Variants in PPP1R26 observed in about 807,000 individuals in gnomAD.
PPP1R26 encodes 1A6/DRIM (down-regulated in metastasis) interacting protein.
A neutral mutation model predicts 67.6 loss-of-function variants in PPP1R26; 22 were observed. The observed-to-expected ratio is 0.33, with a 90% CI of 0.23 to 0.46. The LOEUF (loss-of-function observed/expected upper bound fraction) is 0.46. PPP1R26 is among the 20% of genes least tolerant of loss of function. PPP1R26 has a pLI of 1.00. For synonymous variants in PPP1R26, 729 were observed against 717.2 expected (o/e 1.02, Z -0.26); for missense variants, 1,602 against 1,651.4 (o/e 0.97, Z 0.52).
Position 135,485,423 on chromosome 9 carries a change from C to A in PPP1R26, c.913C>A (p.Leu305Ile). 1 of 1,612,880 alleles carries A rather than the reference C, an allele frequency of 6.2e-7. No homozygotes were observed. Among genetic ancestry groups the A allele is most frequent in the East Asian group, 2.2e-5 (1 of 44,876 alleles). Residue 305 changes from leucine (L) to isoleucine (I), a missense_variant, in exon 4 of 4, where the codon CTC becomes ATC. Physicochemically the swap from Leu to Ile is conservative, Grantham distance 5. Coordinates refer to ENST00000356818, the MANE Select transcript of PPP1R26 (RefSeq NM_014811.5). The surrounding 1 kb of genome is among the most constrained non-coding windows in gnomAD (Gnocchi z 7.2). ...GAAGATGAACGTCCAGCCCAGAAGC[C>A]TCAGGTCCAAGGTCACAACCACGCA... ...LAKMNVQPRS[L>I]RSKVTTTQEN...
Position 135,487,279 on chromosome 9 carries a change from C to T in PPP1R26, c.2769C>T (p.Gly923=), listed in dbSNP as rs767573787. Residue 923 remains glycine (G), a synonymous_variant, in exon 4 of 4, where the codon GGC becomes GGT. Transcript: ENST00000356818. ...AQGTAGLFSQ[G]GKGLPAAPAR... is the part of the protein sequence containing the mutation. ...GCACAGCTGGTCTGTTCAGCCAGGG[C>T]GGGAAGGGGCTCCCTGCTGCTCCTG... 10 of 1,556,082 alleles carry T rather than the reference C, an allele frequency of 6.4e-6. No homozygotes were observed. The highest frequency in any genetic ancestry group is 1.8e-4 in the Middle Eastern group (1 of 5,698).
At position 135,487,292 on chromosome 9, in the gene PPP1R26, C is replaced by A. The variant is rs758447904; in HGVS notation, c.2782C>A (p.Pro928Thr). Residue 928 changes from proline (P) to threonine (T), a missense_variant, in exon 4 of 4, where the codon CCT (proline) becomes ACT (threonine). Around this residue, in one of 5 missense-constraint regions of PPP1R26, gnomAD observed 740 missense variants for 696.3 expected, o/e 1.06. Coordinates refer to ENST00000356818, the MANE Select transcript of PPP1R26 (RefSeq NM_014811.5). ...GTTCAGCCAGGGCGGGAAGGGGCTC[C>A]CTGCTGCTCCTGCCCGAGGGGATCC... ...GLFSQGGKGL[P>T]AAPARGDPVP... is the part of the protein sequence containing the mutation. 7 of 1,554,070 alleles carry A rather than the reference C, an allele frequency of 4.5e-6. No homozygotes were observed. In the South Asian group the frequency reaches 7.4e-5, roughly 16 times the overall value.
rs1454877795 is a variant in PPP1R26, at chr9:135,487,012, C to T, written c.2502C>T (p.Asn834=). ...LSDDSSSVDS[N]DSIELEIRKF... is the part of the protein sequence containing the mutation. Reference sequence around the variant, plus strand: ...ATGACAGCAGTTCAGTGGACAGCAACGACAGCATCGAACTGGAGATTAGGA... The same window carrying T: ...ATGACAGCAGTTCAGTGGACAGCAATGACAGCATCGAACTGGAGATTAGGA... Residue 834 remains asparagine (N), a synonymous_variant, in exon 4 of 4, where the codon AAC becomes AAT. Coordinates refer to ENST00000356818, the MANE Select transcript of PPP1R26 (RefSeq NM_014811.5). The T allele has an allele frequency of 1.1e-5, 17 of 1,611,724 alleles. No homozygotes were observed. In the Admixed American group the frequency reaches 1.3e-4, roughly 13 times the overall value.
chr9:135,488,036 G>A lies in PPP1R26; in HGVS notation c.3526G>A (p.Val1176Ile), dbSNP rs371561109. The A allele has an allele frequency of 6.5e-5, 104 of 1,609,752 alleles. 1 individual carries two copies. The highest frequency in any genetic ancestry group is 5.4e-4 in the South Asian group (49 of 90,502). Residue 1176 changes from valine to isoleucine, a missense_variant, in exon 4 of 4, where the codon GTC (valine) becomes ATC (isoleucine). Physicochemically the swap from Val to Ile is conservative, Grantham distance 29 (BLOSUM62 3). Around this residue, in one of 5 missense-constraint regions of PPP1R26, gnomAD observed 740 missense variants for 696.3 expected, o/e 1.06. Coordinates refer to ENST00000356818, the MANE Select transcript of PPP1R26 (RefSeq NM_014811.5). ...SILDLRYRRR[V>I]NRDDQEQDAL... ...TTTAGACCTGAGGTATCGACGAAGG[G>A]TCAACAGGGATGACCAGGAGCAGGA... is the stretch of plus-strand genomic sequence containing the variant.
At position 135,484,738 on chromosome 9, in the gene PPP1R26, G is replaced by A. The variant is rs377730970; in HGVS notation, c.228G>A (p.Glu76=). The part of the protein sequence containing the change: ...ERAAQRGHRA[E]GCHDARPAAK... Reference sequence around the variant, plus strand: ...CCGCACAGAGGGGCCACAGGGCAGAGGGATGCCACGACGCCAGGCCGGCTG... The same window carrying A: ...CCGCACAGAGGGGCCACAGGGCAGAAGGATGCCACGACGCCAGGCCGGCTG... Residue 76 remains glutamate (E), a synonymous_variant, in exon 4 of 4, where the codon GAG becomes GAA. Transcript: ENST00000356818. The A allele has an allele frequency of 3.7e-6, 6 of 1,610,134 alleles. No individual in the cohort carries two copies. The highest frequency in any genetic ancestry group is 4.2e-6 in the Non-Finnish European group (5 of 1,178,892).
At position 135,487,365 on chromosome 9, in the gene PPP1R26, C is replaced by T. The variant is rs1317855908; in HGVS notation, c.2855C>T (p.Ser952Leu). 2 of 1,559,208 alleles carry T rather than the reference C, an allele frequency of 1.3e-6. No homozygotes were observed. Among genetic ancestry groups the T allele is most frequent in the South Asian group, 2.4e-5 (2 of 83,144 alleles). The change falls in exon 4 of 4, where the codon TCA becomes TTA. Residue 952 changes from serine (S) to leucine (L), a missense_variant. Coordinates refer to ENST00000356818, the MANE Select transcript of PPP1R26 (RefSeq NM_014811.5). ...TSGGVSAKGL[S>L]VSRRNVYVHK... ...GGCGGTGTCTCCGCCAAGGGGCTCTCAGTGAGCAGGAGAAATGTTTACGTT... is the reference window on the plus strand; with the variant it reads ...GGCGGTGTCTCCGCCAAGGGGCTCTTAGTGAGCAGGAGAAATGTTTACGTT...
Position 135,487,347 on chromosome 9 carries a change from T to C in PPP1R26, c.2837T>C (p.Val946Ala). ...CCGCCCAGGAGCACCAGCGGCGGTG[T>C]CTCCGCCAAGGGGCTCTCAGTGAGC... ...PVPPRSTSGG[V>A]SAKGLSVSRR... is the part of the protein sequence containing the mutation. Residue 946 changes from valine (V) to alanine (A), a missense_variant, in exon 4 of 4, where the codon GTC (valine) becomes GCC (alanine). This residue lies in a region of PPP1R26 where 740 missense variants were observed against 696.3 expected (regional missense o/e 1.06). Transcript: ENST00000356818. 1.9e-6 allele frequency: 3 copies of C among 1,553,584 alleles called. No homozygotes were observed. The highest frequency in any genetic ancestry group is 2.6e-6 in the Non-Finnish European group (3 of 1,152,154).
At position 135,486,893 on chromosome 9, in the gene PPP1R26, C is replaced by T. The variant is rs780381325; in HGVS notation, c.2383C>T (p.Arg795Trp). ...AASQDAALAF[R>W]VRRPASASAS... ...GAGCCAGGACGCGGCCCTGGCCTTC[C>T]GGGTGAGGAGACCCGCCTCCGCCTC... The change falls in exon 4 of 4, where the codon CGG becomes TGG. Residue 795 changes from arginine (R) to tryptophan (W), a missense_variant. Physicochemically the swap from Arg to Trp is moderately radical, Grantham distance 101. This residue lies in a region of PPP1R26 where 740 missense variants were observed against 696.3 expected (regional missense o/e 1.06). Coordinates refer to ENST00000356818, the MANE Select transcript of PPP1R26 (RefSeq NM_014811.5). The surrounding 1 kb of genome is among the most constrained non-coding windows in gnomAD (Gnocchi z 6.2). 4.3e-6 allele frequency: 7 copies of T among 1,612,510 alleles called. No homozygotes were observed. The highest frequency in any genetic ancestry group is 1.7e-5 in the Admixed American group (1 of 59,996).
chr9:135,480,564 C>T (rs1830479495), intron 1 of PPP1R26: 1 of 152,372 alleles, frequency 6.6e-6, no homozygotes, highest in Admixed American at 6.5e-5. Context: ...GTGAGCGCGC[C>T]CTCGGGGAGG....
At chr9:135,481,968 CTGTTCACTGGG>C (rs1830535042) in intron 1 of PPP1R26, among the ~76,000 whole-genome samples, 1 of 152,186 alleles carries the variant, frequency 6.6e-6, no homozygotes. Context: ...ACTTAGAAAA[CTGTTCACTGGG>C]TGTCCAGGCC....
rs1830772701 is a variant in PPP1R26, at chr9:135,487,176, G to T, written c.2666G>T (p.Cys889Phe). The T allele has an allele frequency of 1.9e-6, 3 of 1,608,556 alleles. No individual in the cohort carries two copies. The East Asian group carries it at 6.7e-5, about 36-fold the overall frequency. Residue 889 changes from cysteine to phenylalanine, a missense_variant, in exon 4 of 4, where the codon TGC becomes TTC. This residue lies in a region of PPP1R26 where 740 missense variants were observed against 696.3 expected (regional missense o/e 1.06). Transcript: ENST00000356818. ...RKEPAPPPGVCTRSQRARGVP... is the reference protein window; with the variant it reads ...RKEPAPPPGVFTRSQRARGVP... ...GAGCCTGCCCCACCGCCTGGCGTGT[G>T]CACACGCAGCCAGAGGGCCAGGGGG... is the stretch of plus-strand genomic sequence containing the variant.
chr9:135,485,397 C>T lies in PPP1R26; in HGVS notation c.887C>T (p.Ala296Val), dbSNP rs530929090. 130 of 1,612,876 alleles carry T rather than the reference C, an allele frequency of 8.1e-5. No homozygotes were observed. The South Asian group carries it at 1.3e-3, about 16-fold the overall frequency. ...GCCTTCCGCAAACCTCCCCGGTTAGCGAAGATGAACGTCCAGCCCAGAAGC... is the reference window on the plus strand; with the variant it reads ...GCCTTCCGCAAACCTCCCCGGTTAGTGAAGATGAACGTCCAGCCCAGAAGC... ...EFAFRKPPRL[A>V]KMNVQPRSLR... The change falls in exon 4 of 4, where the codon GCG (alanine) becomes GTG (valine). Residue 296 changes from alanine (A) to valine (V), a missense_variant. Physicochemically the swap from Ala to Val is moderately conservative, Grantham distance 64. Coordinates refer to ENST00000356818, the MANE Select transcript of PPP1R26 (RefSeq NM_014811.5). The surrounding 1 kb of genome is among the most constrained non-coding windows in gnomAD (Gnocchi z 7.2).
Position 135,487,237 on chromosome 9 carries a change from G to A in PPP1R26, c.2727G>A (p.Glu909=), listed in dbSNP as rs140376950. Residue 909 remains glutamate, a synonymous_variant, in exon 4 of 4, where the codon GAG becomes GAA. Transcript: ENST00000356818. ...PHLAEGLRGT[E]SAGAQGTAGL... is the part of the protein sequence containing the mutation. Reference sequence around the variant, plus strand: ...TGGCCGAAGGGCTTCGAGGCACAGAGAGCGCAGGAGCACAGGGCACAGCTG... The same window carrying A: ...TGGCCGAAGGGCTTCGAGGCACAGAAAGCGCAGGAGCACAGGGCACAGCTG... 51 of 1,579,876 alleles carry A rather than the reference G, an allele frequency of 3.2e-5. 1 individual carries two copies. In the South Asian group the frequency reaches 5.6e-4, roughly 17 times the overall value.
Position 135,485,560 on chromosome 9 carries a change from C to G in PPP1R26, c.1050C>G (p.Val350=). The G allele has an allele frequency of 6.2e-7, 1 of 1,613,282 alleles. No individual in the cohort carries two copies. Among genetic ancestry groups the G allele is most frequent in the Non-Finnish European group, 8.5e-7 (1 of 1,180,030 alleles). The change falls in exon 4 of 4, where the codon GTC becomes GTG. Residue 350 remains valine, a synonymous_variant. Coordinates refer to ENST00000356818, the MANE Select transcript of PPP1R26 (RefSeq NM_014811.5). This position sits in a 1 kb window ranked among gnomAD's most constrained non-coding sequence, Gnocchi z 7.2. ...SASAARRGKR[V]MSAAQASEAS... is the part of the protein sequence containing the mutation. ...GCGCTGCAAGGAGGGGAAAGCGAGT[C>G]ATGAGTGCGGCACAGGCGTCCGAGG... is the stretch of plus-strand genomic sequence containing the variant.
In PPP1R26 at chr9:135,485,592, A is replaced by G; in HGVS notation, c.1082A>G (p.Asp361Gly). 1 of 1,612,906 alleles carries G rather than the reference A, an allele frequency of 6.2e-7. No individual in the cohort carries two copies. The highest frequency in any genetic ancestry group is 8.5e-7 in the Non-Finnish European group (1 of 1,179,946). ...MSAAQASEAS[D>G]SSSDDGIEEA... is the part of the protein sequence containing the mutation. ...GCGGCACAGGCGTCCGAGGCGTCCG[A>G]CTCCAGCAGCGACGATGGCATTGAG... is the stretch of plus-strand genomic sequence containing the variant. Residue 361 changes from aspartate to glycine, a missense_variant, in exon 4 of 4, where the codon GAC (aspartate) becomes GGC (glycine). Transcript: ENST00000356818. This position sits in a 1 kb window ranked among gnomAD's most constrained non-coding sequence, Gnocchi z 7.2.
Position 135,485,742 on chromosome 9 carries a change from C to T in PPP1R26, c.1232C>T (p.Thr411Ile), listed in dbSNP as rs926890341. The change falls in exon 4 of 4, where the codon ACA becomes ATA. Residue 411 changes from threonine to isoleucine, a missense_variant. Physicochemically the swap from Thr to Ile is moderately conservative, Grantham distance 89. Transcript: ENST00000356818. This position sits in a 1 kb window ranked among gnomAD's most constrained non-coding sequence, Gnocchi z 7.2. ...CCCGCACACAGCACAAGCAGTGCCA[C>T]AAAAAGTGCCTTGCCCGAGACCCAC... ...DPPAHSTSSA[T>I]KSALPETHRK... 20 of 1,610,564 alleles carry T rather than the reference C, an allele frequency of 1.2e-5. No individual in the cohort carries two copies. Among genetic ancestry groups the T allele is most frequent in the Non-Finnish European group, 1.7e-5 (20 of 1,179,998 alleles).
rs143121134 is a variant in PPP1R26, at chr9:135,487,414, G to A, written c.2904G>A (p.Gly968=). The change falls in exon 4 of 4, where the codon GGG becomes GGA. Residue 968 remains glycine (G), a synonymous_variant. Transcript: ENST00000356818. ...TTCACAAAGACCAGAGCCCACGAGGGGCTGAGCCTGCTGCCAAAAGTGCTT... is the reference window on the plus strand; with the variant it reads ...TTCACAAAGACCAGAGCCCACGAGGAGCTGAGCCTGCTGCCAAAAGTGCTT... ...VYVHKDQSPR[G]AEPAAKSAFG... The A allele has an allele frequency of 4.0e-3, 6,330 of 1,600,274 alleles. 16 individuals are homozygous for A. Among genetic ancestry groups the A allele is most frequent in the Non-Finnish European group, 4.7e-3 (5,574 of 1,174,740 alleles).
rs1280972886 is a variant in PPP1R26, at chr9:135,485,713, C to A, written c.1203C>A (p.Asp401Glu). The change falls in exon 4 of 4, where the codon GAC (aspartate) becomes GAA (glutamate). Residue 401 changes from aspartate (D) to glutamate (E), a missense_variant. Physicochemically the swap from Asp to Glu is conservative, Grantham distance 45. This residue lies in a region of PPP1R26 where 680 missense variants were observed against 726.1 expected (regional missense o/e 0.94). Coordinates refer to ENST00000356818, the MANE Select transcript of PPP1R26 (RefSeq NM_014811.5). The surrounding 1 kb of genome is among the most constrained non-coding windows in gnomAD (Gnocchi z 7.2). ...RVQLREERAP[D>E]PPAHSTSSAT... is the part of the protein sequence containing the mutation. ...AACTCCGAGAGGAGAGAGCGCCTGA[C>A]CCTCCCGCACACAGCACAAGCAGTG... is the stretch of plus-strand genomic sequence containing the variant. 2 of 1,610,272 alleles carry A rather than the reference C, an allele frequency of 1.2e-6. No homozygotes were observed. The highest frequency in any genetic ancestry group is 1.7e-6 in the Non-Finnish European group (2 of 1,179,984).
At position 135,488,255 on chromosome 9, in the gene PPP1R26, T is replaced by A; in HGVS notation, c.*115T>A. 7.6e-7 allele frequency: 1 copy of A among 1,323,476 alleles called. No individual in the cohort carries two copies. Among genetic ancestry groups the A allele is most frequent in the Non-Finnish European group, 9.7e-7 (1 of 1,028,444 alleles). 82.0% of individuals were successfully genotyped at this position (1,323,476 alleles called of 1,614,324 possible). A position where few individuals can be genotyped will look rare whatever the true frequency, so the allele number is the denominator to read the frequency against. ...AGGAAGGGAAACAGTCTATTATACA[T>A]AGCCCTGTATATATGTACACCAACA... On this transcript the variant is annotated 3_prime_UTR_variant, in exon 4 of 4. Transcript: ENST00000356818.
Sources: gnomAD v4.1 joint callset for allele counts (sites outside exome capture counted in the v4.1 genomes callset) on GRCh38, gnomAD v4.1.1 for gene constraint, gnomAD v4.1.1 regional missense constraint, Gnocchi (gnomAD v3.1) non-coding constraint, MANE v1.5 for transcripts, NCBI Gene and HGNC (gene_info 2026-07-23, HGNC 2026-07-21) for gene names.